TXNL4A: variants seen among roughly 807,000 people sequenced by gnomAD.
TXNL4A encodes thioredoxin-like protein 4A.
In TXNL4A, 17 loss-of-function variants were observed where a neutral mutation model predicts 14.6. The ratio of observed to expected loss-of-function variants is 1.16; its 90% CI spans 0.80 to 1.74. The LOEUF (loss-of-function observed/expected upper bound fraction) is 1.74. TXNL4A is among the 40% of genes most tolerant of loss of function. TXNL4A has a pLI of 0.00. For missense variants in TXNL4A, 74 were observed against 195.2 expected, an observed-to-expected ratio of 0.38 and a Z score of 3.70; for synonymous variants, 83 against 70.6, an observed-to-expected ratio of 1.18 and a Z score of -0.88.
chr18:79,977,245 C>T (rs1329528905), intron 2 of TXNL4A: 2 of 302,052 alleles, frequency 6.6e-6, no homozygotes, highest in South Asian at 4.7e-5. Flanking sequence ...GCGCTTTGAG[C>T]CACTGTGCCC....
intron 1 of TXNL4A, among the ~76,000 whole-genome samples, chr18:80,025,566 TGG>T (rs2051879206): frequency 6.6e-6 from 1 of 152,238 alleles, no homozygotes; most frequent in Non-Finnish European, 1.5e-5. Context: ...CACCCCATTT[TGG>T]GAACAACTGG....
Position 79,986,418 on chromosome 18 carries a change from A to C in TXNL4A, c.153+1822T>G, listed in dbSNP as rs566341526. Among the ~76,000 whole-genome samples the C allele has an allele frequency of 8.0e-5, 12 of 149,418 alleles. No individual in the cohort carries two copies. In the East Asian group the frequency reaches 2.0e-3, roughly 25 times the overall value. ...GCTATCCAAATTTTTGGACAAAAACAAAAATCAGACTATTTTAAAAGACCA... is the reference window on the plus strand; with the variant it reads ...GCTATCCAAATTTTTGGACAAAAACCAAAATCAGACTATTTTAAAAGACCA... On this transcript the variant is annotated intron_variant, in intron 1 of 2. Coordinates refer to ENST00000269601, the MANE Select transcript of TXNL4A (RefSeq NM_006701.5).
Position 79,973,760 on chromosome 18 carries a change from C to A in TXNL4A, c.354G>T (p.Thr118=), listed in dbSNP as rs746566005. 1 of 1,614,186 alleles carries A rather than the reference C, an allele frequency of 6.2e-7. No individual in the cohort carries two copies. The highest frequency in any genetic ancestry group is 1.7e-5 in the Admixed American group (1 of 60,026). The change falls in exon 3 of 3, where the codon ACG becomes ACT. Residue 118 remains threonine, a synonymous_variant. Coordinates refer to ENST00000269601, the MANE Select transcript of TXNL4A (RefSeq NM_006701.5). ...GGCCTTTGCGGGCCCCGCGGTACAC[C>A]GTCTCGATGATGTCCACCATCTCCT... ...DKQEMVDIIE[T]VYRGARKGRG...
chr18:79,995,660 C>T (rs9957338), intron 1 of TXNL4A, among the ~76,000 whole-genome samples: 115,562 of 152,162 alleles, frequency 0.76, 45,174 homozygotes, highest in East Asian at 0.91. Context: ...CCAGTTATCC[C>T]GCACTGTGAT....
intron 1 of TXNL4A, among the ~76,000 whole-genome samples, chr18:80,027,582 A>G (rs531192523): frequency 2.0e-5 from 3 of 152,364 alleles, no homozygotes; most frequent in African/African-American, 7.2e-5. Flanking sequence ...TCAAGGGTAT[A>G]CACAAAGTCC....
At chr18:79,977,828 G>C in intron 1 of TXNL4A, 127 bp from the exon 2 acceptor site, 1 of 642,866 alleles carries the variant, frequency 1.6e-6, no homozygotes, top group Non-Finnish European at 2.7e-6. Context: ...TTGTTTTTTT[G>C]AGACAGGGTC....
intron 1 of TXNL4A, among the ~76,000 whole-genome samples, chr18:80,031,127 A>C (rs992948695): frequency 2.0e-5 from 3 of 152,222 alleles, no homozygotes; most frequent in African/African-American, 7.2e-5. Flanking sequence ...CAATGGAATA[A>C]TGCAAACTTG....
At chr18:79,977,332 T>A (rs1311648017) in intron 2 of TXNL4A, 4 of 509,288 alleles carry the variant, frequency 7.9e-6, no homozygotes, top group Non-Finnish European at 1.4e-5. Context: ...AGTAACAACA[T>A]CTTTCATTGA....
chr18:80,013,060 G>A (rs376183321), intron 1 of TXNL4A, among the ~76,000 whole-genome samples: 429 of 150,482 alleles, frequency 2.9e-3, no homozygotes, highest in African/African-American at 9.8e-3. Flanking sequence ...TCGACACAAG[G>A]GTTTGAAGAA....
chr18:80,012,669 G>T (rs929025334), intron 1 of TXNL4A, among the ~76,000 whole-genome samples: 1 of 152,166 alleles, frequency 6.6e-6, no homozygotes, highest in African/African-American at 2.4e-5. Flanking sequence ...AGTACCATTT[G>T]GAACTATACA....
rs532383785 is a variant in TXNL4A, at chr18:80,018,742, G to A, written c.-61+15109C>T. On this transcript the variant is annotated intron_variant, in intron 1 of 2. Transcript: ENST00000585474. Reference sequence around the variant, plus strand: ...ATAAACTAGAAAATCTAGAAGAAATGGATAAATTCCTTGAAACAAAATGCT... The same window carrying A: ...ATAAACTAGAAAATCTAGAAGAAATAGATAAATTCCTTGAAACAAAATGCT... Among the ~76,000 whole-genome samples the A allele has an allele frequency of 4.6e-5, 7 of 152,272 alleles. No individual in the cohort carries two copies. The East Asian group carries it at 5.8e-4, about 13-fold the overall frequency.
At chr18:79,984,001 A>G (rs1048205190) in intron 1 of TXNL4A, among the ~76,000 whole-genome samples, 21 of 152,248 alleles carry the variant, frequency 1.4e-4, no homozygotes, top group African/African-American at 4.8e-4. Context: ...CCGCCACTCA[A>G]CACCACCCCT....
intron 1 of TXNL4A, among the ~76,000 whole-genome samples, chr18:80,022,726 C>G (rs776712038): frequency 3.3e-5 from 5 of 152,118 alleles, no homozygotes; most frequent in Non-Finnish European, 7.4e-5. Flanking sequence ...TTGGCGTGAC[C>G]AAGGGTGGAA....
intron 1 of TXNL4A, among the ~76,000 whole-genome samples, chr18:80,001,944 G>A (rs1418242262): frequency 6.6e-6 from 1 of 152,150 alleles, no homozygotes; most frequent in East Asian, 1.9e-4. Flanking sequence ...GAGGACATGA[G>A]ATTTGGGAGG....
chr18:80,024,888 G>A (rs536532484), intron 1 of TXNL4A, among the ~76,000 whole-genome samples: 3 of 152,102 alleles, frequency 2.0e-5, no homozygotes, highest in Non-Finnish European at 4.4e-5. Context: ...CATATGTCCC[G>A]ACTTCATCAA....
intron 2 of TXNL4A, among the ~76,000 whole-genome samples, chr18:79,974,439 T>C (rs1463164954): frequency 6.6e-6 from 1 of 152,260 alleles, no homozygotes; most frequent in Non-Finnish European, 1.5e-5. Context: ...TGAATACTCA[T>C]GTGCACTTTA....
chr18:80,012,825 A>G (rs1336141599), intron 1 of TXNL4A, among the ~76,000 whole-genome samples: 1 of 151,950 alleles, frequency 6.6e-6, no homozygotes, highest in African/African-American at 2.4e-5. Flanking sequence ...GATTACTTCC[A>G]TTAAATTTTT....
intron 1 of TXNL4A, among the ~76,000 whole-genome samples, chr18:80,022,644 T>C (rs1277368584): frequency 6.6e-6 from 1 of 152,186 alleles, no homozygotes; most frequent in Non-Finnish European, 1.5e-5. Context: ...TCAAGGGAAG[T>C]ACAGAATGCA....
rs142137845 is a variant in TXNL4A, at chr18:79,993,928, C to T, written c.-60-16227G>A. Among the ~76,000 whole-genome samples, 2 of 152,244 alleles carry T rather than the reference C, an allele frequency of 1.3e-5. No individual in the cohort carries two copies. The highest frequency in any genetic ancestry group is 3.9e-4 in the East Asian group (2 of 5,186). On this transcript the variant is annotated intron_variant, in intron 1 of 2. Transcript: ENST00000585474. This position sits in a 1 kb window ranked among gnomAD's most constrained non-coding sequence, Gnocchi z 4.4. ...CCTGACACACTTTACCAGGTAGCCG[C>T]GACAAGCGTGGACTGAACTGGTTCA...
Sources: allele counts gnomAD v4.1 joint callset (sites outside exome capture counted in the v4.1 genomes callset), GRCh38; gene constraint gnomAD v4.1.1; non-coding constraint Gnocchi (gnomAD v3.1); transcripts MANE v1.5; gene names NCBI Gene and HGNC (gene_info 2026-07-23, HGNC 2026-07-21).